Variants in MBD5 observed in about 807,000 individuals in gnomAD.
The protein encoded by MBD5 is methyl-CpG-binding domain protein 5.
A neutral mutation model predicts 117.3 loss-of-function variants in MBD5; 13 were observed. The ratio of observed to expected loss-of-function variants is 0.11; its 90% CI spans 0.07 to 0.18. The LOEUF (loss-of-function observed/expected upper bound fraction) is 0.18, where lower values mean the gene tolerates loss of function less well. Ranked by LOEUF, MBD5 falls within the 10% of genes least tolerant of loss-of-function variation. The pLI, the probability that MBD5 is intolerant of heterozygous loss-of-function variation, is 1.00. For synonymous variants in MBD5, 727 were observed against 766.4 expected, an observed-to-expected ratio of 0.95 and a Z score of 0.85; for missense variants, 1,879 against 2,093.8, an observed-to-expected ratio of 0.90 and a Z score of 2.00.
intron 1 of MBD5, 136 bp from the exon 2 acceptor site, chr2:148,178,564 G>T: frequency 2.7e-6 from 1 of 375,112 alleles, no homozygotes; most frequent in Non-Finnish European, 4.7e-6. Flanking sequence ...CATAAAATAT[G>T]TCCTATAATA....
chr2:148,127,735 T>A (rs1696938034), intron 1 of MBD5, among the ~76,000 whole-genome samples: 1 of 152,196 alleles, frequency 6.6e-6, no homozygotes, highest in African/African-American at 2.4e-5. Flanking sequence ...TAAATTCTTT[T>A]GGGTATATAC....
intron 3 of MBD5, among the ~76,000 whole-genome samples, chr2:148,328,701 C>CGT (rs1173120091): frequency 4.0e-5 from 6 of 151,432 alleles, no homozygotes; most frequent in South Asian, 2.1e-4. Context: ...TGCTTTGGCT[C>CGT]GCACATGGTG....
At chr2:148,157,606 T>C (rs1697906571) in intron 1 of MBD5, among the ~76,000 whole-genome samples, 1 of 152,178 alleles carries the variant, frequency 6.6e-6, no homozygotes, top group Admixed American at 6.5e-5. Flanking sequence ...CTCAGAATTA[T>C]CTCATCACTG....
At chr2:148,110,144 T>C (rs1328685067) in intron 1 of MBD5, among the ~76,000 whole-genome samples, 7 of 152,204 alleles carry the variant, frequency 4.6e-5, no homozygotes, top group African/African-American at 1.7e-4. Context: ...ACAAAAGTTA[T>C]CACATTTAAT....
chr2:148,064,121 C>CTTTTT lies in MBD5; in HGVS notation c.-925+42439_-925+42443dup, dbSNP rs200434229. On this transcript the variant is annotated intron_variant, in intron 1 of 13. Transcript: ENST00000642680. ...GAAACATACTATTCCCACCAGCTGT[C>CTTTTT]TTTTTTCTTTTTTTTTTTTTTTGAG... Among the ~76,000 whole-genome samples the CTTTTT allele has an allele frequency of 5.8e-3, 733 of 126,052 alleles. 54 individuals are homozygous for CTTTTT. Among genetic ancestry groups the CTTTTT allele is most frequent in the African/African-American group, 0.018 (576 of 31,732 alleles). The allele number at this position is 126,052 out of a possible 152,430, so 82.7% of individuals were successfully genotyped here.
At chr2:148,307,701 T>G (rs1308221814) in intron 3 of MBD5, among the ~76,000 whole-genome samples, 1 of 152,160 alleles carries the variant, frequency 6.6e-6, no homozygotes, top group Non-Finnish European at 1.5e-5. Context: ...TACAGGTTTA[T>G]TATATAGGTA....
rs1253818295 is a variant in MBD5 at position 148,395,206 on chromosome 2, A to G, written c.-557+52870A>G. 2.0e-5 allele frequency among the ~76,000 whole-genome samples: 3 copies of G among 152,118 alleles called. No individual in the cohort carries two copies. The East Asian group carries it at 5.8e-4, about 29-fold the overall frequency. Reference sequence around the variant, plus strand: ...ATGTTTGGCCTATTCTGTTTTCTCTAAAAGCTAGTTTCCTCATGTTCTACT... The same window carrying G: ...ATGTTTGGCCTATTCTGTTTTCTCTGAAAGCTAGTTTCCTCATGTTCTACT... On this transcript the variant is annotated intron_variant, in intron 4 of 13. Coordinates refer to ENST00000642680, the MANE Select transcript of MBD5 (RefSeq NM_001378120.1).
chr2:148,412,272 T>TTGTG lies in MBD5; in HGVS notation c.-556-45903_-556-45900dup, dbSNP rs59209677. Among the ~76,000 whole-genome samples, 1,387 of 144,562 alleles carry TTGTG rather than the reference T, an allele frequency of 9.6e-3. 26 individuals are homozygous for TTGTG. The highest frequency in any genetic ancestry group is 0.032 in the African/African-American group (1,228 of 38,268). 94.8% of individuals were successfully genotyped at this position (144,562 alleles called of 152,430 possible). The stretch of plus-strand genomic sequence containing the variant: ...TTACTGTAGCCTTGTAGTATACTTT[T>TTGTG]TGTGTGTGTGTGTGTGTGTGTGTGT... On this transcript the variant is annotated intron_variant, in intron 4 of 13. Coordinates refer to ENST00000642680, the MANE Select transcript of MBD5 (RefSeq NM_001378120.1).
intron 3 of MBD5, among the ~76,000 whole-genome samples, chr2:148,235,942 G>A (rs1467560260): frequency 6.6e-6 from 1 of 151,984 alleles, no homozygotes; most frequent in African/African-American, 2.4e-5. Flanking sequence ...GGGAATACAG[G>A]CATGCGCTAT....
intron 4 of MBD5, among the ~76,000 whole-genome samples, chr2:148,407,598 C>G (rs1705123243): frequency 6.6e-6 from 1 of 151,988 alleles, no homozygotes; most frequent in Admixed American, 6.6e-5. Context: ...TTATAATATC[C>G]TGGATTTCTT....
Position 148,513,346 on chromosome 2 carries a change from C to T in MBD5, c.*405C>T, listed in dbSNP as rs185867776. The T allele has an allele frequency of 3.5e-4, 67 of 189,254 alleles. No individual in the cohort carries two copies. The East Asian group carries it at 7.9e-3, about 22-fold the overall frequency. 11.7% of individuals were successfully genotyped at this position (189,254 alleles called of 1,614,324 possible). A position where few individuals can be genotyped will look rare whatever the true frequency, so the allele number is the denominator to read the frequency against. On this transcript the variant is annotated 3_prime_UTR_variant, in exon 14 of 14. Transcript: ENST00000642680. ...CATGTACAAGCGTACCTAATGCACACTTTATCTTTTATTGTACAAAGAAAT... is the reference window on the plus strand; with the variant it reads ...CATGTACAAGCGTACCTAATGCACATTTTATCTTTTATTGTACAAAGAAAT...
chr2:148,330,088 T>C (rs142750996), intron 3 of MBD5, among the ~76,000 whole-genome samples: 15 of 40,410 alleles, frequency 3.7e-4, no homozygotes, highest in South Asian at 2.4e-3. Context: ...CCTCCTGCCA[T>C]ACACACACAC....
chr2:148,295,134 T>G (rs1191309102), intron 3 of MBD5, among the ~76,000 whole-genome samples: 1 of 152,170 alleles, frequency 6.6e-6, no homozygotes, highest in East Asian at 1.9e-4. Context: ...TGAATATTAT[T>G]TTGTTTCTTT....
intron 2 of MBD5, among the ~76,000 whole-genome samples, chr2:148,194,526 C>A (rs547683168): frequency 1.4e-5 from 1 of 70,600 alleles, no homozygotes; most frequent in Non-Finnish European, 3.2e-5. Flanking sequence ...AACCAAACAC[C>A]GCATATTCTC....
chr2:148,424,193 A>AC (rs1559065331), intron 4 of MBD5, among the ~76,000 whole-genome samples: 53 of 79,578 alleles, frequency 6.7e-4, no homozygotes, highest in Non-Finnish European at 1.1e-3. Context: ...AAAAAAAAAA[A>AC]AAAAAAAAAA....
At chr2:148,338,650 T>C (rs900168033) in intron 3 of MBD5, among the ~76,000 whole-genome samples, 1 of 152,164 alleles carries the variant, frequency 6.6e-6, no homozygotes, top group African/African-American at 2.4e-5. Context: ...GATCATCATA[T>C]GAGCAAAATA....
chr2:148,046,827 C>T (rs554457761), intron 1 of MBD5, among the ~76,000 whole-genome samples: 2 of 152,232 alleles, frequency 1.3e-5, no homozygotes, highest in African/African-American at 4.8e-5. Context: ...TATGTCACTA[C>T]CCTAATTAAA....
intron 3 of MBD5, among the ~76,000 whole-genome samples, chr2:148,297,967 C>T (rs896224360): frequency 9.9e-5 from 15 of 152,156 alleles, no homozygotes; most frequent in Admixed American, 3.9e-4. Flanking sequence ...AACTACTAGC[C>T]TGAAGCTAAG....
intron 1 of MBD5, among the ~76,000 whole-genome samples, chr2:148,048,513 G>A (rs938262604): frequency 7.9e-5 from 12 of 152,102 alleles, no homozygotes; most frequent in African/African-American, 2.9e-4. Flanking sequence ...TAAGAACTGA[G>A]AAAAGAAGCC....
Sources: allele counts gnomAD v4.1 joint callset (sites outside exome capture counted in the v4.1 genomes callset), GRCh38; gene constraint gnomAD v4.1.1; transcripts MANE v1.5; gene names NCBI Gene and HGNC (gene_info 2026-07-23, HGNC 2026-07-21).